Variants in SATB1 observed in about 807,000 individuals in gnomAD.
SATB1 encodes the protein SATB homeobox 1, also known as DNA-binding protein SATB1.
Under a neutral mutation model 86.9 loss-of-function variants are expected in SATB1, and 11 were observed. The ratio of observed to expected loss-of-function variants is 0.13; its 90% CI spans 0.08 to 0.21. The LOEUF (loss-of-function observed/expected upper bound fraction) is 0.21, where lower values mean the gene tolerates loss of function less well. Among genes scored for constraint, SATB1 ranks in the 10% least tolerant of loss-of-function variants. The probability of loss-of-function intolerance (pLI) is 1.00; values close to 1 mark genes in which losing one functional copy is unlikely to be tolerated. For missense variants in SATB1, 551 were observed against 937.6 expected (o/e 0.59, Z 5.39); for synonymous variants, 357 against 357.2 (o/e 1.00, Z 0.01).
At chr3:18,437,602 C>T (rs1699108654) in intron 1 of SATB1, among the ~76,000 whole-genome samples, 1 of 152,232 alleles carries the variant, frequency 6.6e-6, no homozygotes, top group African/African-American at 2.4e-5. Flanking sequence ...TGATTCTATA[C>T]AAACTGTCAT....
chr3:18,393,881 G>A (rs1187404213), intron 7 of SATB1, among the ~76,000 whole-genome samples: 1 of 152,154 alleles, frequency 6.6e-6, no homozygotes, highest in Non-Finnish European at 1.5e-5. Flanking sequence ...TAGCATGAGG[G>A]AGCGCACACA....
At chr3:18,399,468 A>G (rs1559435583) in intron 5 of SATB1, among the ~76,000 whole-genome samples, 2 of 152,220 alleles carry the variant, frequency 1.3e-5, no homozygotes, top group African/African-American at 2.4e-5. Flanking sequence ...CGACGGAAGG[A>G]AGAATCATCC....
At chr3:18,401,060 C>T (rs545353577) in intron 5 of SATB1, among the ~76,000 whole-genome samples, 9 of 152,320 alleles carry the variant, frequency 5.9e-5, no homozygotes, top group African/African-American at 1.9e-4. Flanking sequence ...CTTCAGGATA[C>T]AGCCTGGGCA....
chr3:18,359,535 G>C (rs1694807914), intron 9 of SATB1, among the ~76,000 whole-genome samples: 1 of 151,958 alleles, frequency 6.6e-6, no homozygotes, highest in Non-Finnish European at 1.5e-5. Flanking sequence ...TACCTAATTT[G>C]AAAGTTTAAT....
chr3:18,397,049 C>T, intron 6 of SATB1, 130 bp downstream of exon 6: 1 of 629,138 alleles, frequency 1.6e-6, no homozygotes, highest in Admixed American at 2.5e-5. Flanking sequence ...CACTTCCCAC[C>T]CCCAAAGAAA....
At chr3:18,417,743 T>C (rs1698192915) in intron 2 of SATB1, 1 of 685,604 alleles carries the variant, frequency 1.5e-6, no homozygotes, top group East Asian at 2.7e-5. Flanking sequence ...TGAATACTCA[T>C]TTAACCTACC....
intron 5 of SATB1, chr3:18,414,859 G>T: frequency 2.8e-6 from 1 of 360,340 alleles, no homozygotes; most frequent in Non-Finnish European, 5.0e-6. Flanking sequence ...AAATTAGCCA[G>T]CGGAGTCTTC....
rs1222319903 is a variant in SATB1, at chr3:18,417,440, T to A, written c.212-362A>T. The A allele has an allele frequency of 5.1e-6, 3 of 584,768 alleles. No homozygotes were observed. In the African/African-American group the frequency reaches 5.6e-5, roughly 11 times the overall value. The allele number at this position is 584,768 out of a possible 1,614,324, so 36.2% of individuals were successfully genotyped here. On this transcript the variant is annotated intron_variant, in intron 2 of 10. Coordinates refer to ENST00000338745, the MANE Select transcript of SATB1 (RefSeq NM_002971.6). ...CTAATTTGCTATGAGTAGTATACAG[T>A]ATGCAAACATAACTCACCATTTATC... is the stretch of plus-strand genomic sequence containing the variant.
chr3:18,422,675 C>G (rs1372448610), intron 1 of SATB1, among the ~76,000 whole-genome samples: 1 of 152,098 alleles, frequency 6.6e-6, no homozygotes, highest in Non-Finnish European at 1.5e-5. Flanking sequence ...GTGGATAACA[C>G]AGAGCTTTTT....
At position 18,372,639 on chromosome 3, in the gene SATB1, G is replaced by T. The variant is rs972402953; in HGVS notation, c.1575+5531C>A. On this transcript the variant is annotated intron_variant, in intron 9 of 10. Coordinates refer to ENST00000338745, the MANE Select transcript of SATB1 (RefSeq NM_002971.6). ...AAACAAACATACTTATTTTTAGGAG[G>T]CAAGAATCTCAAAAGAAGGCATATT... Among the ~76,000 whole-genome samples, 7 of 152,090 alleles carry T rather than the reference G, an allele frequency of 4.6e-5. No individual in the cohort carries two copies. The East Asian group carries it at 1.4e-3, about 29-fold the overall frequency.
chr3:18,393,433 A>ATT (rs1696797010), intron 7 of SATB1, among the ~76,000 whole-genome samples: 1 of 152,152 alleles, frequency 6.6e-6, no homozygotes, highest in South Asian at 2.1e-4. Context: ...AAAGAAAAAA[A>ATT]TTCTTCTCAT....
chr3:18,385,593 A>T (rs1696298966), intron 8 of SATB1, among the ~76,000 whole-genome samples: 1 of 151,070 alleles, frequency 6.6e-6, no homozygotes, highest in Non-Finnish European at 1.5e-5. Context: ...ACTGCACTCC[A>T]GCCTGGGTGA....
intron 2 of SATB1, among the ~76,000 whole-genome samples, chr3:18,418,245 A>T (rs1244253394): frequency 1.3e-5 from 2 of 152,142 alleles, no homozygotes; most frequent in African/African-American, 4.8e-5. Context: ...TCTGAAGATG[A>T]CTTAGTGCAC....
chr3:18,375,410 G>A (rs1403224012), intron 9 of SATB1, among the ~76,000 whole-genome samples: 2 of 152,094 alleles, frequency 1.3e-5, no homozygotes, highest in African/African-American at 2.4e-5. Flanking sequence ...AGACAACCAG[G>A]GCAAGACACA....
intron 5 of SATB1, among the ~76,000 whole-genome samples, chr3:18,405,373 G>A (rs752653454): frequency 2.0e-5 from 3 of 151,782 alleles, no homozygotes; most frequent in African/African-American, 2.4e-5. Flanking sequence ...TACCAAATTC[G>A]TGTTAAGTTC....
In SATB1 at chr3:18,352,937, AGT is replaced by A. The variant is rs1310871335; in HGVS notation, c.1576-744_1576-743del. The A allele has an allele frequency of 1.2e-5, 1 of 86,250 alleles. No homozygotes were observed. The highest frequency in any genetic ancestry group is 4.8e-5 in the African/African-American group (1 of 20,828). The allele number at this position is 86,250 out of a possible 1,614,324, so 5.3% of individuals were successfully genotyped here. Reference sequence around the variant, plus strand: ...CACCTCTCTGATGTTTCCAAGGCCCAGTTTTTTTACCCTGAGGTTATCTATCA... The same window carrying A: ...CACCTCTCTGATGTTTCCAAGGCCCATTTTTTACCCTGAGGTTATCTATCA... On this transcript the variant is annotated intron_variant, in intron 9 of 10. Coordinates refer to ENST00000338745, the MANE Select transcript of SATB1 (RefSeq NM_002971.6). The surrounding 1 kb of genome is among the most constrained non-coding windows in gnomAD (Gnocchi z 4.1).
At chr3:18,431,582 A>C (rs1575183831) in intron 2 of SATB1, among the ~76,000 whole-genome samples, 1 of 152,192 alleles carries the variant, frequency 6.6e-6, no homozygotes, top group East Asian at 1.9e-4. Context: ...AGTTTTTTAA[A>C]GCTCTCAAGG....
Position 18,352,315 on chromosome 3 carries a change from T to A in SATB1, c.1576-120A>T. ...TTTTTCATAAGCTCAGAACACACCA[T>A]TCTGCTTTAAAAATTGTTTTTAACT... is the stretch of plus-strand genomic sequence containing the variant. On this transcript the variant is annotated intron_variant, in intron 9 of 10. Transcript: ENST00000338745. The surrounding 1 kb of genome is among the most constrained non-coding windows in gnomAD (Gnocchi z 4.1). The A allele has an allele frequency of 2.5e-6, 2 of 785,216 alleles. No individual in the cohort carries two copies. Among genetic ancestry groups the A allele is most frequent in the Non-Finnish European group, 4.1e-6 (2 of 491,604 alleles). 48.6% of individuals were successfully genotyped at this position (785,216 alleles called of 1,614,324 possible).
At chr3:18,351,190 G>T in intron 10 of SATB1, 1 of 766,122 alleles carries the variant, frequency 1.3e-6, no homozygotes, top group Non-Finnish European at 2.2e-6. Flanking sequence ...GGCACAGTGA[G>T]CTCTGCCCAA....
Sources: gnomAD v4.1 joint callset for allele counts (sites outside exome capture counted in the v4.1 genomes callset) on GRCh38, gnomAD v4.1.1 for gene constraint, Gnocchi (gnomAD v3.1) non-coding constraint, MANE v1.5 for transcripts, NCBI Gene and HGNC (gene_info 2026-07-23, HGNC 2026-07-21) for gene names.